IMMP2L: variants seen among roughly 807,000 people sequenced by gnomAD.
The protein encoded by IMMP2L is mitochondrial inner membrane protease subunit 2.
IMMP2L carries 18 observed loss-of-function variants against 19.3 expected under a neutral mutation model. The ratio of observed to expected loss-of-function variants is 0.93; its 90% CI spans 0.64 to 1.38. The LOEUF is 1.38. IMMP2L is among the 40% of genes most tolerant of loss of function. The pLI is 0.00. For synonymous variants in IMMP2L, 76 were observed against 73.0 expected (o/e 1.04, Z -0.21); for missense variants, 233 against 218.2 (o/e 1.07, Z -0.43).
rs10232638 is a variant in IMMP2L at position 111,065,683 on chromosome 7, C to G, written c.240-102118G>C. 9.7e-3 allele frequency among the ~76,000 whole-genome samples: 1,471 copies of G among 152,292 alleles called. 23 individuals carry two copies. Among genetic ancestry groups the G allele is most frequent in the African/African-American group, 0.033 (1,366 of 41,552 alleles). ...TCCCAGCCTACATCTTTCTCCTGTGCTGGATGCTTCCTGTTCTCGAACATC... is the reference window on the plus strand; with the variant it reads ...TCCCAGCCTACATCTTTCTCCTGTGGTGGATGCTTCCTGTTCTCGAACATC... On this transcript the variant is annotated intron_variant, in intron 3 of 5. Transcript: ENST00000405709.
chr7:110,797,940 T>C (rs1362372323), intron 5 of IMMP2L, among the ~76,000 whole-genome samples: 1 of 151,990 alleles, frequency 6.6e-6, no homozygotes, highest in Non-Finnish European at 1.5e-5. Context: ...AATTAAATGA[T>C]GTAGAAGAAG....
rs527628322 is a variant in IMMP2L, at chr7:111,348,349, A to C, written c.239+138889T>G. Among the ~76,000 whole-genome samples the C allele has an allele frequency of 2.0e-5, 3 of 152,194 alleles. No individual in the cohort carries two copies. The East Asian group carries it at 5.8e-4, about 29-fold the overall frequency. On this transcript the variant is annotated intron_variant, in intron 3 of 5. Coordinates refer to ENST00000405709, the MANE Select transcript of IMMP2L (RefSeq NM_032549.4). ...AATACTTCTAAAGTGCTTATATAAAATCTTTATATGAGAAGATTTTATCTT... is the reference window on the plus strand; with the variant it reads ...AATACTTCTAAAGTGCTTATATAAACTCTTTATATGAGAAGATTTTATCTT...
At chr7:110,966,242 T>C (rs1196577756) in intron 3 of IMMP2L, among the ~76,000 whole-genome samples, 1 of 152,054 alleles carries the variant, frequency 6.6e-6, no homozygotes, top group African/African-American at 2.4e-5. Flanking sequence ...TACTGGGAAC[T>C]AAGCAAGAAG....
intron 3 of IMMP2L, among the ~76,000 whole-genome samples, chr7:111,386,472 C>T (rs999638842): frequency 5.9e-5 from 9 of 151,960 alleles, no homozygotes; most frequent in African/African-American, 1.7e-4. Context: ...TATGTAACCC[C>T]CATTTGAGAA....
At chr7:111,524,211 C>T (rs1031439099) in intron 1 of IMMP2L, among the ~76,000 whole-genome samples, 6 of 151,874 alleles carry the variant, frequency 4.0e-5, no homozygotes, top group Admixed American at 6.6e-5. Context: ...AATTTAAAAA[C>T]GGAATGACCT....
chr7:111,256,254 G>T (rs1816686052), intron 3 of IMMP2L, among the ~76,000 whole-genome samples: 1 of 151,884 alleles, frequency 6.6e-6, no homozygotes, highest in South Asian at 2.1e-4. Flanking sequence ...GTTACAAAAT[G>T]GCATACATAA....
chr7:111,467,208 C>T (rs1040288154), intron 3 of IMMP2L, among the ~76,000 whole-genome samples: 1 of 152,186 alleles, frequency 6.6e-6, no homozygotes, highest in Non-Finnish European at 1.5e-5. Context: ...CACCCAATCT[C>T]TATGTGCCTC....
intron 5 of IMMP2L, among the ~76,000 whole-genome samples, chr7:110,694,633 G>A (rs1415249151): frequency 2.0e-5 from 3 of 152,118 alleles, no homozygotes; most frequent in African/African-American, 7.2e-5. Context: ...GAGAGCGAGA[G>A]AAAGAGGAGG....
intron 3 of IMMP2L, among the ~76,000 whole-genome samples, chr7:111,311,287 A>G (rs924964113): frequency 1.3e-5 from 2 of 152,118 alleles, no homozygotes; most frequent in Non-Finnish European, 1.5e-5. Flanking sequence ...AAGGAAAAGA[A>G]CATGAGAGAA....
intron 3 of IMMP2L, among the ~76,000 whole-genome samples, chr7:111,233,309 G>A (rs1813922689): frequency 6.6e-6 from 1 of 152,020 alleles, no homozygotes; most frequent in Admixed American, 6.6e-5. Context: ...ATAAATAAAT[G>A]TGATCTCATT....
chr7:110,947,987 T>G (rs991392898), intron 4 of IMMP2L, among the ~76,000 whole-genome samples: 3 of 151,878 alleles, frequency 2.0e-5, no homozygotes, highest in Non-Finnish European at 4.4e-5. Flanking sequence ...ACTACACAAT[T>G]TACTCTTCTG....
chr7:110,936,608 T>C (rs6965289), intron 4 of IMMP2L, among the ~76,000 whole-genome samples: 4,009 of 152,252 alleles, frequency 0.026, 85 homozygotes, highest in South Asian at 0.043. Flanking sequence ...GGTGGGAGTG[T>C]AAATTAGTTC....
intron 5 of IMMP2L, among the ~76,000 whole-genome samples, chr7:110,672,169 C>A (rs530827167): frequency 6.6e-6 from 1 of 152,154 alleles, no homozygotes; most frequent in African/African-American, 2.4e-5. Context: ...AACTTACAAT[C>A]ATAGCAGAAG....
intron 5 of IMMP2L, among the ~76,000 whole-genome samples, chr7:110,804,782 A>C (rs983238887): frequency 2.0e-5 from 3 of 152,166 alleles, no homozygotes; most frequent in East Asian, 3.9e-4. Flanking sequence ...AGCTTCGGCC[A>C]TGCTAATGAG....
chr7:110,952,465 T>G (rs1400376401), intron 4 of IMMP2L, among the ~76,000 whole-genome samples: 2 of 152,152 alleles, frequency 1.3e-5, no homozygotes, highest in Non-Finnish European at 2.9e-5. Flanking sequence ...AAGTGTGATC[T>G]GCTTCCTGCT....
chr7:111,388,225 C>A (rs940420292), intron 3 of IMMP2L, among the ~76,000 whole-genome samples: 1 of 151,898 alleles, frequency 6.6e-6, no homozygotes, highest in Non-Finnish European at 1.5e-5. Flanking sequence ...AAATATTCAA[C>A]CAGTTGGCTG....
chr7:110,950,753 T>C (rs1168065057), intron 4 of IMMP2L, among the ~76,000 whole-genome samples: 2 of 150,428 alleles, frequency 1.3e-5, no homozygotes, highest in African/African-American at 4.9e-5. Context: ...CAGTCCCAGC[T>C]CTGTTCCTTA....
At chr7:110,767,248 G>GATT (rs1798730292) in intron 5 of IMMP2L, among the ~76,000 whole-genome samples, 1 of 152,034 alleles carries the variant, frequency 6.6e-6, no homozygotes, top group Non-Finnish European at 1.5e-5. Flanking sequence ...TTTGCAAAAT[G>GATT]GAAAAGATTG....
chr7:110,844,019 A>G (rs1449842320), intron 5 of IMMP2L, among the ~76,000 whole-genome samples: 1 of 152,104 alleles, frequency 6.6e-6, no homozygotes, highest in Non-Finnish European at 1.5e-5. Context: ...TGAAGCCTGG[A>G]GCCTTTGGAT....
Sources: allele counts gnomAD v4.1 joint callset (sites outside exome capture counted in the v4.1 genomes callset), GRCh38; gene constraint gnomAD v4.1.1; transcripts MANE v1.5; gene names NCBI Gene and HGNC (gene_info 2026-07-23, HGNC 2026-07-21).